The following ARHGAP22 variants were observed in gnomAD, a reference collection of about 807,000 sequenced individuals.
ARHGAP22 encodes the protein rho GTPase-activating protein 22.
ARHGAP22 carries 48 observed loss-of-function variants against 59.1 expected under a neutral mutation model. That is an observed-to-expected ratio of 0.81 (90% confidence interval 0.64 to 1.03). The LOEUF (loss-of-function observed/expected upper bound fraction) is 1.03. ARHGAP22 is among the 50% of genes least tolerant of loss of function. ARHGAP22 has a pLI of 0.00. For synonymous variants in ARHGAP22, 445 were observed against 416.4 expected (o/e 1.07, Z -0.84); for missense variants, 1,015 against 958.7 (o/e 1.06, Z -0.78).
chr10:48,640,925 A>G (rs2062018768), intron 1 of ARHGAP22, among the ~76,000 whole-genome samples: 1 of 152,200 alleles, frequency 6.6e-6, no homozygotes, highest in African/African-American at 2.4e-5. Context: ...TGTATAAATA[A>G]GGATTATAAA....
intron 1 of ARHGAP22, among the ~76,000 whole-genome samples, chr10:48,585,458 G>T (rs899739066): frequency 6.6e-6 from 1 of 152,094 alleles, no homozygotes; most frequent in African/African-American, 2.4e-5. Flanking sequence ...GCCTGGTATT[G>T]GGTCCAATCA....
rs538443547 is a variant in ARHGAP22, at chr10:48,585,618, G to A, written c.35-2466C>T. On this transcript the variant is annotated intron_variant, in intron 1 of 9. Coordinates refer to ENST00000249601, the MANE Select transcript of ARHGAP22 (RefSeq NM_021226.4). ...TCATGGACAACAGCAGCATTCACAG[G>A]AGGCCTCATCTCTTCTCTCTGGCAC... Among the ~76,000 whole-genome samples, 3 of 152,296 alleles carry A rather than the reference G, an allele frequency of 2.0e-5. No individual in the cohort carries two copies. The East Asian group carries it at 5.8e-4, about 29-fold the overall frequency.
chr10:48,611,005 C>G (rs2060862528), intron 1 of ARHGAP22, among the ~76,000 whole-genome samples: 2 of 152,206 alleles, frequency 1.3e-5, no homozygotes, highest in Non-Finnish European at 2.9e-5. Flanking sequence ...AATTTTAAGC[C>G]TCTGTAAATG....
intron 1 of ARHGAP22, among the ~76,000 whole-genome samples, chr10:48,620,739 A>C (rs530086238): frequency 6.6e-6 from 1 of 152,334 alleles, no homozygotes; most frequent in Admixed American, 6.5e-5. Flanking sequence ...GAGGTAGTGA[A>C]CAAAGTACAT....
intron 4 of ARHGAP22, among the ~76,000 whole-genome samples, chr10:48,461,403 T>G (rs1056864858): frequency 1.3e-5 from 2 of 152,194 alleles, no homozygotes; most frequent in South Asian, 4.2e-4. Flanking sequence ...TTGAGAAAAT[T>G]CACTGAACTG....
chr10:48,619,607 T>C (rs926097054), intron 1 of ARHGAP22, among the ~76,000 whole-genome samples: 2 of 152,174 alleles, frequency 1.3e-5, no homozygotes, highest in Admixed American at 6.5e-5. Context: ...CTGTCTTCAA[T>C]AAATGATGTT....
chr10:48,531,167 A>G (rs996050991), intron 3 of ARHGAP22, among the ~76,000 whole-genome samples: 11 of 152,340 alleles, frequency 7.2e-5, no homozygotes, highest in Non-Finnish European at 1.0e-4. Context: ...GAAGTAACTC[A>G]GGAATGGAAA....
rs1002010918 is a variant in ARHGAP22, at chr10:48,453,228, C to T, written c.988+76G>A. 1.6e-5 allele frequency: 26 copies of T among 1,600,608 alleles called. No homozygotes were observed. The African/African-American group carries it at 3.3e-4, about 21-fold the overall frequency. ...GGCCTGGCCCTGGGCTGGGATGGTTCCAAGGACTTGCCGTGGACCAAGATG... is the reference window on the plus strand; with the variant it reads ...GGCCTGGCCCTGGGCTGGGATGGTTTCAAGGACTTGCCGTGGACCAAGATG... On this transcript the variant is annotated intron_variant, in intron 8 of 9. Coordinates refer to ENST00000249601, the MANE Select transcript of ARHGAP22 (RefSeq NM_021226.4).
chr10:48,588,670 A>C (rs1185524885), intron 1 of ARHGAP22, among the ~76,000 whole-genome samples: 3 of 152,140 alleles, frequency 2.0e-5, no homozygotes, highest in Admixed American at 6.5e-5. Context: ...ACGCAGGACC[A>C]TCCATTCACT....
intron 1 of ARHGAP22, among the ~76,000 whole-genome samples, chr10:48,634,684 C>G (rs2061744856): frequency 6.6e-6 from 1 of 152,096 alleles, no homozygotes; most frequent in Non-Finnish European, 1.5e-5. Context: ...GCTGACAGCT[C>G]TGAGCCCAGG....
intron 3 of ARHGAP22, among the ~76,000 whole-genome samples, chr10:48,541,539 G>T (rs1198665798): frequency 2.0e-5 from 3 of 152,178 alleles, no homozygotes; most frequent in Non-Finnish European, 4.4e-5. Context: ...CTGGAGTCTA[G>T]ATCCATGCAG....
chr10:48,612,543 T>C (rs2060935114), intron 1 of ARHGAP22, among the ~76,000 whole-genome samples: 1 of 152,208 alleles, frequency 6.6e-6, no homozygotes, highest in Non-Finnish European at 1.5e-5. Flanking sequence ...CAGGTGGCAC[T>C]CTGCAGGGGT....
At chr10:48,611,080 C>T (rs890703260) in intron 1 of ARHGAP22, among the ~76,000 whole-genome samples, 1 of 152,210 alleles carries the variant, frequency 6.6e-6, no homozygotes, top group Admixed American at 6.5e-5. Flanking sequence ...ATCTGGGCTG[C>T]TCATTGAATT....
intron 3 of ARHGAP22, among the ~76,000 whole-genome samples, chr10:48,531,756 C>T (rs1414549645): frequency 6.6e-6 from 1 of 152,114 alleles, no homozygotes; most frequent in Admixed American, 6.5e-5. Context: ...GATTGGAACC[C>T]AGCCCATCTT....
At chr10:48,544,321 T>G (rs146565858) in intron 3 of ARHGAP22, among the ~76,000 whole-genome samples, 122 of 152,324 alleles carry the variant, frequency 8.0e-4, no homozygotes, top group African/African-American at 2.9e-3. Context: ...AGCTCAAATG[T>G]GAATCTAGCT....
intron 2 of ARHGAP22, among the ~76,000 whole-genome samples, chr10:48,576,193 T>C (rs1373791): frequency 6.6e-6 from 1 of 151,972 alleles, no homozygotes; most frequent in African/African-American, 2.4e-5. Flanking sequence ...ACACATAGCA[T>C]CCATGGACCT....
chr10:48,654,881 TTC>T (rs1399148396), upstream of ARHGAP22, among the ~76,000 whole-genome samples: 6 of 146,712 alleles, frequency 4.1e-5, no homozygotes, highest in Non-Finnish European at 9.0e-5. Flanking sequence ...CTTTCTTTCT[TTC>T]TCTTTCTTTT....
rs540899294 is a variant in ARHGAP22, at chr10:48,548,244, A to G, written c.322+7219T>C. On this transcript the variant is annotated intron_variant, in intron 3 of 9. Coordinates refer to ENST00000249601, the MANE Select transcript of ARHGAP22 (RefSeq NM_021226.4). Reference sequence around the variant, plus strand: ...CCCTTCCACAAGTGTCACTCCCATCACATCCTACCCCCTGGTTTCTGGTGA... The same window carrying G: ...CCCTTCCACAAGTGTCACTCCCATCGCATCCTACCCCCTGGTTTCTGGTGA... Among the ~76,000 whole-genome samples the G allele has an allele frequency of 3.3e-5, 5 of 152,114 alleles. No homozygotes were observed. In the East Asian group the frequency reaches 7.7e-4, roughly 23 times the overall value.
intron 1 of ARHGAP22, among the ~76,000 whole-genome samples, chr10:48,597,109 T>C (rs1246348828): frequency 6.6e-6 from 1 of 152,170 alleles, no homozygotes; most frequent in East Asian, 1.9e-4. Context: ...CCATCCCTTA[T>C]GCTGCCCCTG....
Sources: allele counts gnomAD v4.1 joint callset (sites outside exome capture counted in the v4.1 genomes callset), GRCh38; gene constraint gnomAD v4.1.1; transcripts MANE v1.5; gene names NCBI Gene and HGNC (gene_info 2026-07-23, HGNC 2026-07-21).